NWD1: variants seen among roughly 807,000 people sequenced by gnomAD.
NWD1 encodes the protein NACHT and WD repeat domain containing 1.
A neutral mutation model predicts 135.1 loss-of-function variants in NWD1; 129 were observed. The observed-to-expected ratio is 0.96, with a 90% confidence interval of 0.83 to 1.11. The LOEUF is 1.11. Ranked by LOEUF, NWD1 falls within the 50% of genes least tolerant of loss-of-function variation. The probability of loss-of-function intolerance (pLI) is 0.00; values close to 1 mark genes in which losing one functional copy is unlikely to be tolerated. For synonymous variants in NWD1, 773 were observed against 786.0 expected (o/e 0.98, Z 0.28); for missense variants, 1,740 against 1,851.3 (o/e 0.94, Z 1.10).
At position 16,797,819 on chromosome 19, in the gene NWD1, T is replaced by C. The variant is rs778237979; in HGVS notation, c.3392T>C (p.Val1131Ala). The C allele has an allele frequency of 6.2e-7, 1 of 1,614,044 alleles. No individual in the cohort carries two copies. The highest frequency in any genetic ancestry group is 8.5e-7 in the Non-Finnish European group (1 of 1,179,912). Reference sequence around the variant, plus strand: ...ATGGATCTGGAACATGAAGACATGGTGGAGACGGCTGTTTTTGGTACTGAG... The same window carrying C: ...ATGGATCTGGAACATGAAGACATGGCGGAGACGGCTGTTTTTGGTACTGAG... ...MAMDLEHEDM[V>A]ETAVFGTENN... The change falls in exon 16 of 19, where the codon GTG becomes GCG. Residue 1131 changes from valine (V) to alanine (A), a missense_variant. By Grantham distance (64) the Val-to-Ala change is moderately conservative. Transcript: ENST00000524140.
At chr19:16,806,986 CAGCCTGGACAACGA>C (rs1171275777) in intron 17 of NWD1, among the ~76,000 whole-genome samples, 1 of 151,884 alleles carries the variant, frequency 6.6e-6, no homozygotes, top group African/African-American at 2.4e-5. Flanking sequence ...CACTGCGCTC[CAGCCTGGACAACGA>C]AGCCAGACTC....
In NWD1 at chr19:16,797,445, C is replaced by T. The variant is rs1354084638; in HGVS notation, c.3305-287C>T. ...TCCTGGGCTCAAGCAATTCTCCTGC[C>T]TCGGCCTCCTGAGTAGCTGGGATTA... On this transcript the variant is annotated intron_variant, in intron 15 of 18. Transcript: ENST00000524140. Among the ~76,000 whole-genome samples, 2 of 151,572 alleles carry T rather than the reference C, an allele frequency of 1.3e-5. 1 individual carries two copies. Among genetic ancestry groups the T allele is most frequent in the South Asian group, 4.2e-4 (2 of 4,792 alleles).
At chr19:16,799,095 A>G (rs1970514698) in intron 16 of NWD1, among the ~76,000 whole-genome samples, 1 of 152,142 alleles carries the variant, frequency 6.6e-6, no homozygotes, top group South Asian at 2.1e-4. Flanking sequence ...AGCCTGAGTA[A>G]GTTAAAGGAA....
chr19:16,765,481 G>A (rs1969189810), intron 10 of NWD1, among the ~76,000 whole-genome samples: 1 of 152,074 alleles, frequency 6.6e-6, no homozygotes, highest in Non-Finnish European at 1.5e-5. Flanking sequence ...CCACAGGTAT[G>A]CACCACTGTG....
At position 16,750,104 on chromosome 19, in the gene NWD1, G is replaced by T. The variant is rs1185236013; in HGVS notation, c.1462G>T (p.Ala488Ser). 2 of 1,614,046 alleles carry T rather than the reference G, an allele frequency of 1.2e-6. No homozygotes were observed. The highest frequency in any genetic ancestry group is 1.7e-6 in the Non-Finnish European group (2 of 1,180,024). The change falls in exon 6 of 19, where the codon GCC becomes TCC. Residue 488 changes from alanine to serine, a missense_variant. By Grantham distance (99) the Ala-to-Ser change is moderately conservative (BLOSUM62 1). Transcript: ENST00000524140. ...TLQRVLLDPE[A>S]YWEVKPLSGN... ...GCAGCGGGTGCTCCTGGACCCGGAG[G>T]CCTACTGGGAGGTGAAGCCCCTTTC...
rs141181382 is a variant in NWD1, at chr19:16,756,331, C to T, written c.1770-2894C>T. On this transcript the variant is annotated intron_variant, in intron 6 of 18. Transcript: ENST00000524140. ...AGTGGATATCACAAAGGTCTTCATCCTTGTCATCTTCACATTGAGTAGGCA... is the reference window on the plus strand; with the variant it reads ...AGTGGATATCACAAAGGTCTTCATCTTTGTCATCTTCACATTGAGTAGGCA... 2.4e-3 allele frequency among the ~76,000 whole-genome samples: 366 copies of T among 152,166 alleles called. 4 individuals carry two copies. Among genetic ancestry groups the T allele is most frequent in the South Asian group, 0.016 (76 of 4,816 alleles).
In NWD1 at chr19:16,759,240, G is replaced by A. The variant is rs767140544; in HGVS notation, c.1785G>A (p.Glu595=). 4.3e-6 allele frequency: 7 copies of A among 1,613,964 alleles called. No individual in the cohort carries two copies. Among genetic ancestry groups the A allele is most frequent in the Non-Finnish European group, 4.2e-6 (5 of 1,179,874 alleles). The stretch of plus-strand genomic sequence containing the variant: ...CTCCCTTCAGACACGGTCTCTCGGA[G>A]GCGGAGCTGAAGGATGTTTTGTCCC... The part of the protein sequence containing the change: ...YIVSSRHGLS[E]AELKDVLSLD... Residue 595 remains glutamate (E), a synonymous_variant, in exon 7 of 19, where the codon GAG becomes GAA. Transcript: ENST00000524140.
chr19:16,725,426 T>C (rs1259264639), intron 2 of NWD1, among the ~76,000 whole-genome samples: 1 of 151,672 alleles, frequency 6.6e-6, no homozygotes, highest in East Asian at 2.0e-4. Flanking sequence ...TACAGTGAGC[T>C]ATGATCACAC....
At chr19:16,788,265 TA>T (rs1970121488) in intron 12 of NWD1, among the ~76,000 whole-genome samples, 2 of 128,488 alleles carry the variant, frequency 1.6e-5, no homozygotes, top group African/African-American at 7.7e-5. Flanking sequence ...ATAATAATAA[TA>T]ATAATAATAA....
chr19:16,767,844 T>C (rs1969281281), intron 10 of NWD1, among the ~76,000 whole-genome samples: 1 of 152,052 alleles, frequency 6.6e-6, no homozygotes, highest in Non-Finnish European at 1.5e-5. Context: ...CTATTTTCTG[T>C]CTCTATAAAT....
intron 7 of NWD1, among the ~76,000 whole-genome samples, chr19:16,761,358 T>TTCTTTCTTTCTTTCTTTCTTTCC (rs1555723960): frequency 4.6e-5 from 7 of 151,258 alleles, no homozygotes; most frequent in African/African-American, 1.7e-4. Flanking sequence ...TTCTCTTTCT[T>TTCTTTCTTTCTTTCTTTCTTTCC]TCTTTCTTTC....
At chr19:16,747,765 G>C (rs894639246) in intron 5 of NWD1, among the ~76,000 whole-genome samples, 8 of 152,092 alleles carry the variant, frequency 5.3e-5, no homozygotes, top group African/African-American at 9.7e-5. Flanking sequence ...TCTGCTTTCT[G>C]TCTCTATTAA....
chr19:16,734,116 C>T (rs376665471), intron 3 of NWD1, among the ~76,000 whole-genome samples: 1 of 152,098 alleles, frequency 6.6e-6, no homozygotes. Context: ...TGCAAGCGTG[C>T]GGTTGCCAAG....
At chr19:16,802,344 C>G (rs910568345) in intron 17 of NWD1, among the ~76,000 whole-genome samples, 6 of 151,044 alleles carry the variant, frequency 4.0e-5, no homozygotes, top group African/African-American at 1.5e-4. Flanking sequence ...CCTGTAGTCT[C>G]AGCTACTTGA....
At position 16,778,494 on chromosome 19, in the gene NWD1, C is replaced by CT. The variant is rs11307621; in HGVS notation, c.2609-835dup. On this transcript the variant is annotated intron_variant, in intron 11 of 18. Transcript: ENST00000524140. ...TCTTTTCTTTCTTCTTCTTCTTCTT[C>CT]TTTTTTTTTTTTTTGTTGTTGTTGT... Among the ~76,000 whole-genome samples, 11 of 107,570 alleles carry CT rather than the reference C, an allele frequency of 1.0e-4. 1 individual carries two copies. In the East Asian group the frequency reaches 1.1e-3, roughly 11 times the overall value. 70.6% of individuals were successfully genotyped at this position (107,570 alleles called of 152,430 possible).
Position 16,797,990 on chromosome 19 carries a change from G to A in NWD1, c.3459+104G>A, listed in dbSNP as rs1341887036. The A allele has an allele frequency of 6.4e-6, 7 of 1,098,274 alleles. No homozygotes were observed. The African/African-American group carries it at 1.1e-4, about 17-fold the overall frequency. 68.0% of individuals were successfully genotyped at this position (1,098,274 alleles called of 1,614,324 possible). On this transcript the variant is annotated intron_variant, in intron 16 of 18. Transcript: ENST00000524140. ...AAAATACAGACACCCACAAAAATGA[G>A]TGCAGGCAAAATAGGTGAGTTCATT... is the stretch of plus-strand genomic sequence containing the variant.
intron 10 of NWD1, among the ~76,000 whole-genome samples, chr19:16,768,702 C>G (rs1969313730): frequency 6.6e-6 from 1 of 152,122 alleles, no homozygotes; most frequent in Admixed American, 6.6e-5. Context: ...GACCTGGGGC[C>G]TTAAATACCA....
At chr19:16,738,220 TTCCAGGAGAAA>T (rs1967918854) in intron 4 of NWD1, 2 of 454,728 alleles carry the variant, frequency 4.4e-6, no homozygotes, top group South Asian at 3.1e-5. Context: ...GTCTGACTTT[TTCCAGGAGAAA>T]TGTGCTGATC....
intron 17 of NWD1, 53 bp downstream of exon 17, chr19:16,800,215 G>A: frequency 6.6e-7 from 1 of 1,507,262 alleles, no homozygotes. Context: ...GGAGCCATCT[G>A]TCTTAGTTTA....
Sources: allele counts gnomAD v4.1 joint callset (sites outside exome capture counted in the v4.1 genomes callset), GRCh38; gene constraint gnomAD v4.1.1; transcripts MANE v1.5; gene names NCBI Gene and HGNC (gene_info 2026-07-23, HGNC 2026-07-21).